Variants in ANKRD27 observed in about 807,000 individuals in gnomAD.
ANKRD27 encodes the protein ankyrin repeat domain-containing protein 27.
In ANKRD27, 112 loss-of-function variants were observed where a neutral mutation model predicts 129.7. That is an observed-to-expected ratio of 0.86 (90% CI 0.74 to 1.01). ANKRD27 has a LOEUF of 1.01. Ranked by LOEUF, ANKRD27 falls within the 50% of genes least tolerant of loss-of-function variation. The pLI is 0.00. For missense variants in ANKRD27, 1,258 were observed against 1,300.5 expected (o/e 0.97, Z 0.50); for synonymous variants, 516 against 511.2 (o/e 1.01, Z -0.13).
chr19:32,645,695 C>T (rs951538090), intron 4 of ANKRD27, among the ~76,000 whole-genome samples: 4 of 151,934 alleles, frequency 2.6e-5, no homozygotes, highest in Admixed American at 6.6e-5. Context: ...TGCAGTGGTG[C>T]GATCTCGGCT....
At chr19:32,662,143 T>C (rs1011463623) in intron 1 of ANKRD27, among the ~76,000 whole-genome samples, 1 of 151,360 alleles carries the variant, frequency 6.6e-6, no homozygotes, top group African/African-American at 2.4e-5. Context: ...CAAAACCCCA[T>C]CTCTACAAAA....
chr19:32,602,469 C>CATTA (rs1484985319), intron 25 of ANKRD27, among the ~76,000 whole-genome samples: 1 of 152,100 alleles, frequency 6.6e-6, no homozygotes, highest in African/African-American at 2.4e-5. Context: ...CATTGAAACA[C>CATTA]ATTAATTAAC....
At chr19:32,621,731 G>A (rs1038949585) in intron 18 of ANKRD27, among the ~76,000 whole-genome samples, 1 of 152,202 alleles carries the variant, frequency 6.6e-6, no homozygotes, top group Non-Finnish European at 1.5e-5. Flanking sequence ...TCCCTCAGGG[G>A]AGCCTCAGCT....
intron 10 of ANKRD27, among the ~76,000 whole-genome samples, chr19:32,640,706 A>G (rs1427458325): frequency 6.6e-6 from 1 of 152,178 alleles, no homozygotes; most frequent in East Asian, 1.9e-4. Flanking sequence ...GTCTGAGGCC[A>G]GCCTGGGCAA....
intron 1 of ANKRD27, chr19:32,673,316 C>CA (rs1470808513): frequency 1.0e-6 from 1 of 985,768 alleles, no homozygotes; most frequent in Non-Finnish European, 1.2e-6. Flanking sequence ...CTCCTGCTCC[C>CA]ATCCTGCATC....
chr19:32,630,428 G>A (rs1018387643), intron 13 of ANKRD27, among the ~76,000 whole-genome samples: 4 of 152,234 alleles, frequency 2.6e-5, no homozygotes, highest in South Asian at 4.1e-4. Flanking sequence ...GTCAGGCACC[G>A]TGTTCCCAAC....
chr19:32,614,407 G>A (rs1166615498), intron 22 of ANKRD27, among the ~76,000 whole-genome samples: 1 of 152,126 alleles, frequency 6.6e-6, no homozygotes, highest in Non-Finnish European at 1.5e-5. Context: ...ACAAGAGGCT[G>A]TAAAAGAACA....
intron 22 of ANKRD27, among the ~76,000 whole-genome samples, chr19:32,612,588 C>T (rs180887935): frequency 1.5e-3 from 223 of 152,188 alleles, no homozygotes; most frequent in African/African-American, 4.9e-3. Context: ...CAAGACAGCG[C>T]GGTACTGGTA....
chr19:32,627,499 A>C (rs905661675), intron 15 of ANKRD27, among the ~76,000 whole-genome samples: 6 of 151,646 alleles, frequency 4.0e-5, no homozygotes, highest in Admixed American at 3.3e-4. Flanking sequence ...TCTAGGTTCA[A>C]GCAATTCTTC....
intron 17 of ANKRD27, among the ~76,000 whole-genome samples, chr19:32,624,605 A>T (rs1172547610): frequency 6.6e-6 from 1 of 152,208 alleles, no homozygotes; most frequent in African/African-American, 2.4e-5. Context: ...CATAGTGGTG[A>T]AACAGGACGT....
chr19:32,611,470 T>A (rs890742691), intron 22 of ANKRD27, among the ~76,000 whole-genome samples: 2 of 152,242 alleles, frequency 1.3e-5, no homozygotes, highest in African/African-American at 4.8e-5. Context: ...GGGAAAACTT[T>A]AGTCATTTTC....
At chr19:32,608,185 T>TAA (rs1690526955) in intron 22 of ANKRD27, among the ~76,000 whole-genome samples, 3 of 148,880 alleles carry the variant, frequency 2.0e-5, no homozygotes, top group South Asian at 4.2e-4. Context: ...TTTTTTTTTT[T>TAA]TTTTTTGTAG....
intron 2 of ANKRD27, among the ~76,000 whole-genome samples, chr19:32,652,682 C>A (rs1967441715): frequency 6.6e-6 from 1 of 152,086 alleles, no homozygotes; most frequent in African/African-American, 2.4e-5. Flanking sequence ...AATCACAGCA[C>A]TTTGGGAGGC....
intron 1 of ANKRD27, among the ~76,000 whole-genome samples, chr19:32,661,424 G>C (rs1429790992): frequency 6.6e-6 from 1 of 152,056 alleles, no homozygotes; most frequent in Non-Finnish European, 1.5e-5. Context: ...TTGAACTCCT[G>C]GGCTCAAGTG....
intron 22 of ANKRD27, 113 bp downstream of exon 22, chr19:32,615,545 C>T (rs1971902768): frequency 2.6e-6 from 4 of 1,564,922 alleles, no homozygotes; most frequent in Non-Finnish European, 3.5e-6. Flanking sequence ...GACTGTACCA[C>T]TGCACTCCGG....
intron 25 of ANKRD27, among the ~76,000 whole-genome samples, chr19:32,603,664 G>C (rs1971685838): frequency 6.6e-6 from 1 of 152,038 alleles, no homozygotes; most frequent in East Asian, 1.9e-4. Flanking sequence ...TCAGCCTCCT[G>C]AGTAGCTGGG....
At position 32,666,703 on chromosome 19, in the gene ANKRD27, G is replaced by C. The variant is rs898419875; in HGVS notation, c.-30-7658C>G. ...TCTGTTGCCCAGGCTGGAGTGCAGT[G>C]GTGCAATCTCGGCTCACTGCAACCT... On this transcript the variant is annotated intron_variant, in intron 1 of 28. Transcript: ENST00000306065. Among the ~76,000 whole-genome samples the C allele has an allele frequency of 2.1e-5, 3 of 145,968 alleles. No homozygotes were observed. In the Admixed American group the frequency reaches 2.1e-4, roughly 10 times the overall value.
At chr19:32,605,983 T>G in intron 23 of ANKRD27, 29 bp from the exon 24 acceptor site, 1 of 1,574,166 alleles carries the variant, frequency 6.4e-7, no homozygotes, top group South Asian at 1.2e-5. Context: ...ACGTGCAAAC[T>G]TAATCAAAAT....
chr19:32,608,640 T>G, intron 22 of ANKRD27, among the ~76,000 whole-genome samples: 1 of 152,116 alleles, frequency 6.6e-6, no homozygotes. Flanking sequence ...CCCTGCATAT[T>G]TATCAGAATG....
Sources: gnomAD v4.1 joint callset for allele counts (sites outside exome capture counted in the v4.1 genomes callset) on GRCh38, gnomAD v4.1.1 for gene constraint, MANE v1.5 for transcripts, NCBI Gene and HGNC (gene_info 2026-07-23, HGNC 2026-07-21) for gene names.